Variants in TIMM22 observed in about 807,000 individuals in gnomAD.
TIMM22 encodes the protein translocase of inner mitochondrial membrane 22.
TIMM22 carries 12 observed loss-of-function variants against 18.3 expected under a neutral mutation model. The ratio of observed to expected loss-of-function variants is 0.65; its 90% CI spans 0.42 to 1.06. TIMM22 has a LOEUF of 1.06. TIMM22 is among the 50% of genes least tolerant of loss of function. The pLI is 0.00. For missense variants in TIMM22, 278 were observed against 252.8 expected, an observed-to-expected ratio of 1.10 and a Z score of -0.68; for synonymous variants, 107 against 98.5, an observed-to-expected ratio of 1.09 and a Z score of -0.51.
chr17:998,368 C>T (rs1025496007), intron 1 of TIMM22, among the ~76,000 whole-genome samples: 2 of 152,172 alleles, frequency 1.3e-5, no homozygotes, highest in African/African-American at 2.4e-5. Flanking sequence ...GCATCTGTCT[C>T]ACTGGATTAT....
At chr17:998,080 C>T (rs333655) in intron 1 of TIMM22, among the ~76,000 whole-genome samples, 8,600 of 152,216 alleles carry the variant, frequency 0.056, 800 homozygotes, top group African/African-American at 0.2. Context: ...GTTTGAAAAA[C>T]TGAAAGACCA....
intron 3 of TIMM22, 121 bp downstream of exon 3, chr17:999,705 C>A: frequency 1.0e-6 from 1 of 994,488 alleles, no homozygotes. Context: ...ACAAATAAAT[C>A]ATGTTTGTTT....
Position 997,155 on chromosome 17 carries a change from G to C in TIMM22, c.13G>C (p.Ala5Pro). Residue 5 changes from alanine to proline, a missense_variant, in exon 1 of 4, where the codon GCC (alanine) becomes CCC (proline). By Grantham distance (27) the Ala-to-Pro change is conservative. Coordinates refer to ENST00000327158, the MANE Select transcript of TIMM22 (RefSeq NM_013337.4). MAAAAPNAGGSAPET... is the reference protein window; with the variant it reads MAAAPPNAGGSAPET... ...GGCAGCGACTGTCATGGCGGCGGCC[G>C]CCCCCAATGCCGGAGGCTCGGCCCC... is the stretch of plus-strand genomic sequence containing the variant. The C allele has an allele frequency of 6.2e-7, 1 of 1,608,044 alleles. No individual in the cohort carries two copies. Among genetic ancestry groups the C allele is most frequent in the Non-Finnish European group, 8.5e-7 (1 of 1,178,562 alleles).
rs1170214792 is a variant in TIMM22, at chr17:1,002,781, G to C, written c.*1693G>C. On this transcript the variant is annotated 3_prime_UTR_variant, in exon 4 of 4. Coordinates refer to ENST00000327158, the MANE Select transcript of TIMM22 (RefSeq NM_013337.4). The stretch of plus-strand genomic sequence containing the variant: ...GATGCCTGGGATCTTCCATCTTTCA[G>C]TCTAGCACGTGGGACCAAATACAAG... 1 of 152,176 alleles carries C rather than the reference G, an allele frequency of 6.6e-6. No homozygotes were observed. The highest frequency in any genetic ancestry group is 1.5e-5 in the Non-Finnish European group (1 of 68,052). The allele number at this position is 152,176 out of a possible 1,614,324, so 9.4% of individuals were successfully genotyped here. A position where few individuals can be genotyped will look rare whatever the true frequency, so the allele number is the denominator to read the frequency against.
chr17:999,483 G>GTC (rs1365149523), intron 2 of TIMM22, 29 bp from the exon 3 acceptor site: 1 of 1,610,094 alleles, frequency 6.2e-7, no homozygotes, highest in South Asian at 1.1e-5. Context: ...TTGTTTCTTT[G>GTC]GCTCTAACGT....
In TIMM22 at chr17:1,001,218, A is replaced by G. The variant is rs140885589; in HGVS notation, c.*130A>G. 3.5e-5 allele frequency: 36 copies of G among 1,019,384 alleles called. No homozygotes were observed. In the African/African-American group the frequency reaches 5.1e-4, roughly 14 times the overall value. 63.1% of individuals were successfully genotyped at this position (1,019,384 alleles called of 1,614,324 possible). On this transcript the variant is annotated 3_prime_UTR_variant, in exon 4 of 4. Transcript: ENST00000327158. Reference sequence around the variant, plus strand: ...ATTCATTTTCCCTCATGTCGTTGGTATTCTGAGGGAGCTGCCTGGCTTCTC... The same window carrying G: ...ATTCATTTTCCCTCATGTCGTTGGTGTTCTGAGGGAGCTGCCTGGCTTCTC...
Position 997,164 on chromosome 17 carries a change from G to T in TIMM22, c.22G>T (p.Ala8Ser). 6.2e-7 allele frequency: 1 copy of T among 1,609,794 alleles called. No individual in the cohort carries two copies. The highest frequency in any genetic ancestry group is 8.5e-7 in the Non-Finnish European group (1 of 1,179,084). The part of the protein sequence containing the change: MAAAAPN[A>S]GGSAPETAGS... ...TGTCATGGCGGCGGCCGCCCCCAAT[G>T]CCGGAGGCTCGGCCCCTGAGACAGC... is the stretch of plus-strand genomic sequence containing the variant. The change falls in exon 1 of 4, where the codon GCC becomes TCC. Residue 8 changes from alanine to serine, a missense_variant. Coordinates refer to ENST00000327158, the MANE Select transcript of TIMM22 (RefSeq NM_013337.4).
At chr17:997,712 T>C (rs996651802) in intron 1 of TIMM22, among the ~76,000 whole-genome samples, 7 of 151,174 alleles carry the variant, frequency 4.6e-5, no homozygotes, top group Non-Finnish European at 7.4e-5. Flanking sequence ...ATTCGGGAGG[T>C]TGAGGCAGGA....
Position 1,002,534 on chromosome 17 carries a change from T to C in TIMM22, c.*1446T>C, listed in dbSNP as rs2069773297. The C allele has an allele frequency of 6.6e-6, 1 of 152,188 alleles. No individual in the cohort carries two copies. Among genetic ancestry groups the C allele is most frequent in the Non-Finnish European group, 1.5e-5 (1 of 68,040 alleles). 9.4% of individuals were successfully genotyped at this position (152,188 alleles called of 1,614,324 possible). On this transcript the variant is annotated 3_prime_UTR_variant, in exon 4 of 4. Coordinates refer to ENST00000327158, the MANE Select transcript of TIMM22 (RefSeq NM_013337.4). ...GGTCATGTTTGCCATTTTCTTGGAA[T>C]GAATGTGAGTTCCTGCTCAGGGCTC...
chr17:999,111 G>A, intron 2 of TIMM22, 136 bp downstream of exon 2: 1 of 890,764 alleles, frequency 1.1e-6, no homozygotes, highest in Non-Finnish European at 1.7e-6. Flanking sequence ...ATTCTAGGTT[G>A]AACTTCCATA....
intron 2 of TIMM22, 25 bp from the exon 3 acceptor site, chr17:999,487 C>CT (rs1340083895): frequency 8.1e-6 from 13 of 1,612,022 alleles, no homozygotes; most frequent in Non-Finnish European, 1.1e-5. Flanking sequence ...TTCTTTGGCT[C>CT]TAACGTGTAC....
chr17:1,000,638 C>T (rs1007369963), intron 3 of TIMM22, among the ~76,000 whole-genome samples: 1 of 152,206 alleles, frequency 6.6e-6, no homozygotes, highest in Admixed American at 6.5e-5. Context: ...CTTTGAGAAG[C>T]TCTGCTGTCT....
Position 1,001,364 on chromosome 17 carries a change from G to A in TIMM22, c.*276G>A. The A allele has an allele frequency of 2.6e-6, 1 of 381,036 alleles. No individual in the cohort carries two copies. The highest frequency in any genetic ancestry group is 6.0e-5 in the East Asian group (1 of 16,612). 23.6% of individuals were successfully genotyped at this position (381,036 alleles called of 1,614,324 possible). A position where few individuals can be genotyped will look rare whatever the true frequency, so the allele number is the denominator to read the frequency against. On this transcript the variant is annotated 3_prime_UTR_variant, in exon 4 of 4. Coordinates refer to ENST00000327158, the MANE Select transcript of TIMM22 (RefSeq NM_013337.4). ...CGGGAGACAGGATGTTGACATATAGGAATTCAGCTCCACAAAGCTTCAGGC... is the reference window on the plus strand; with the variant it reads ...CGGGAGACAGGATGTTGACATATAGAAATTCAGCTCCACAAAGCTTCAGGC...
At chr17:998,392 T>G (rs1027013103) in intron 1 of TIMM22, among the ~76,000 whole-genome samples, 1 of 152,150 alleles carries the variant, frequency 6.6e-6, no homozygotes, top group African/African-American at 2.4e-5. Context: ...GAAGAATGAA[T>G]GAGGCTGTGG....
chr17:1,000,920 T>C, intron 3 of TIMM22, 92 bp from the exon 4 acceptor site: 2 of 1,275,894 alleles, frequency 1.6e-6, no homozygotes, highest in South Asian at 2.4e-5. Flanking sequence ...TTAAGCTCAT[T>C]TCATGACACT....
chr17:1,001,047 T>G lies in TIMM22; in HGVS notation c.544T>G (p.Phe182Val), dbSNP rs905251825. 8.7e-6 allele frequency: 14 copies of G among 1,614,072 alleles called. No homozygotes were observed. Among genetic ancestry groups the G allele is most frequent in the Non-Finnish European group, 1.2e-5 (14 of 1,179,984 alleles). The stretch of plus-strand genomic sequence containing the variant: ...GGCTGGGGCCATTGGTTGTGGAGGT[T>G]TTGCTGCTTTCTCTGCTGCGATTGA... The part of the protein sequence containing the change: ...LKAGAIGCGG[F>V]AAFSAAIDYY... Residue 182 changes from phenylalanine (F) to valine (V), a missense_variant, in exon 4 of 4, where the codon TTT (phenylalanine) becomes GTT (valine). Phe to Val is a conservative substitution (Grantham distance 50). Coordinates refer to ENST00000327158, the MANE Select transcript of TIMM22 (RefSeq NM_013337.4).
rs1185041894 is a variant in TIMM22 at position 1,001,257 on chromosome 17, TG to T, written c.*173del. ...GCCTGGCTTCTCTGCCTCCAGCCTT[TG>T]GGGTAGCCACACTTTGCTGCTCCTG... On this transcript the variant is annotated 3_prime_UTR_variant, in exon 4 of 4. Coordinates refer to ENST00000327158, the MANE Select transcript of TIMM22 (RefSeq NM_013337.4). 3.0e-6 allele frequency: 2 copies of T among 665,534 alleles called. No homozygotes were observed. The highest frequency in any genetic ancestry group is 3.6e-5 in the African/African-American group (2 of 55,292). 41.2% of individuals were successfully genotyped at this position (665,534 alleles called of 1,614,324 possible). A position where few individuals can be genotyped will look rare whatever the true frequency, so the allele number is the denominator to read the frequency against.
Position 997,210 on chromosome 17 carries a change from T to C in TIMM22, c.68T>C (p.Leu23Pro). ...ACAGCGGGTTCCGCCGAAGCTCCGC[T>C]GCAGTACAGCCTGCTCCTGCAGTAC... is the stretch of plus-strand genomic sequence containing the variant. ...PETAGSAEAP[L>P]QYSLLLQYLV... Residue 23 changes from leucine to proline, a missense_variant, in exon 1 of 4, where the codon CTG (leucine) becomes CCG (proline). Physicochemically the swap from Leu to Pro is moderately conservative, Grantham distance 98 (BLOSUM62 -3). Transcript: ENST00000327158. The C allele has an allele frequency of 6.2e-7, 1 of 1,612,922 alleles. No individual in the cohort carries two copies. Among genetic ancestry groups the C allele is most frequent in the South Asian group, 1.1e-5 (1 of 91,080 alleles).
At chr17:999,390 A>G (rs2069720216) in intron 2 of TIMM22, 122 bp from the exon 3 acceptor site, 1 of 603,160 alleles carries the variant, frequency 1.7e-6, no homozygotes, top group South Asian at 3.2e-5. Context: ...TATATTTTCA[A>G]GAAAGATTAG....
Sources: gnomAD v4.1 joint callset for allele counts (sites outside exome capture counted in the v4.1 genomes callset) on GRCh38, gnomAD v4.1.1 for gene constraint, MANE v1.5 for transcripts, NCBI Gene and HGNC (gene_info 2026-07-23, HGNC 2026-07-21) for gene names.